Variants in CR1 observed in about 807,000 individuals in gnomAD.
CR1 encodes the protein complement C3b/C4b receptor 1 (Knops blood group).
In CR1, 116 loss-of-function variants were observed where a neutral mutation model predicts 187.3. The observed-to-expected ratio is 0.62, with a 90% CI of 0.53 to 0.72. The LOEUF (loss-of-function observed/expected upper bound fraction) is 0.72, where lower values mean the gene tolerates loss of function less well. Among genes scored for constraint, CR1 ranks in the 30% least tolerant of loss-of-function variants. The pLI is 0.00. For synonymous variants in CR1, 576 were observed against 747.1 expected (o/e 0.77, Z 3.73); for missense variants, 1,731 against 2,110.7 (o/e 0.82, Z 3.52).
rs1407211778 is a variant in CR1, at chr1:207,626,073, C to A, written c.7352+3005C>A. ...TGTTATTATCCTTGCTCCAAAGTTA[C>A]ATTATAAACTAAATTCCTTTCATGG... On this transcript the variant is annotated intron_variant, in intron 45 of 46. Coordinates refer to ENST00000367049, the MANE Select transcript of CR1 (RefSeq NM_000651.6). Among the ~76,000 whole-genome samples the A allele has an allele frequency of 4.6e-5, 7 of 152,134 alleles. 1 individual carries two copies. Among genetic ancestry groups the A allele is most frequent in the South Asian group, 4.1e-4 (2 of 4,826 alleles).
intron 3 of CR1, among the ~76,000 whole-genome samples, chr1:207,509,119 A>T (rs1347760257): frequency 6.6e-6 from 1 of 152,150 alleles, no homozygotes; most frequent in Non-Finnish European, 1.5e-5. Flanking sequence ...TTCCTAACCT[A>T]TCCACCTGGT....
chr1:207,611,036 CT>C (rs879913173), intron 37 of CR1, among the ~76,000 whole-genome samples: 116 of 146,102 alleles, frequency 7.9e-4, no homozygotes, highest in Middle Eastern at 3.6e-3. Context: ...TTCATTCTTT[CT>C]TTTTTTTTTT....
rs1375309305 is a variant in CR1, at chr1:207,590,852, A to G, written c.5810+2078A>G. Among the ~76,000 whole-genome samples the G allele has an allele frequency of 3.3e-5, 5 of 152,218 alleles. No homozygotes were observed. In the East Asian group the frequency reaches 9.6e-4, roughly 29 times the overall value. On this transcript the variant is annotated intron_variant, in intron 35 of 46. Transcript: ENST00000367049. ...ACATACTTTAAACCAACGAAGATCA[A>G]AAGAGACAAGAGCATTACATAATGG...
In CR1 at chr1:207,516,369, A is replaced by G. The variant is rs530752437; in HGVS notation, c.487+4715A>G. Among the ~76,000 whole-genome samples the G allele has an allele frequency of 6.9e-4, 105 of 152,328 alleles. 1 individual carries two copies. The highest frequency in any genetic ancestry group is 3.4e-3 in the Middle Eastern group (1 of 294). On this transcript the variant is annotated intron_variant, in intron 4 of 46. Coordinates refer to ENST00000367049, the MANE Select transcript of CR1 (RefSeq NM_000651.6). ...TTCACTGGTTTATTTGCCATACTATAAGCACTACATTAAGATTTTAATTAC... is the reference window on the plus strand; with the variant it reads ...TTCACTGGTTTATTTGCCATACTATGAGCACTACATTAAGATTTTAATTAC...
At chr1:207,503,592 T>A (rs1372565677) in intron 1 of CR1, among the ~76,000 whole-genome samples, 1 of 152,100 alleles carries the variant, frequency 6.6e-6, no homozygotes, top group Admixed American at 6.5e-5. Flanking sequence ...CCTTCTTCTG[T>A]CTCCTTTCAC....
At chr1:207,633,912 G>A (rs1662729255) in intron 46 of CR1, among the ~76,000 whole-genome samples, 1 of 152,162 alleles carries the variant, frequency 6.6e-6, no homozygotes, top group Non-Finnish European at 1.5e-5. Context: ...GAAAATTACA[G>A]TCAACGGGGC....
chr1:207,582,038 TTC>T, intron 32 of CR1, 35 bp downstream of exon 32: 1 of 1,484,898 alleles, frequency 6.7e-7, no homozygotes, highest in South Asian at 1.2e-5. Flanking sequence ...GTCTGGATCT[TTC>T]TGTTTTTTTC....
At chr1:207,575,184 T>G (rs562529378) in intron 27 of CR1, among the ~76,000 whole-genome samples, 68 of 144,384 alleles carry the variant, frequency 4.7e-4, no homozygotes, top group Non-Finnish European at 8.0e-4. Flanking sequence ...ATGTCTCAAG[T>G]AAAATGACAT....
chr1:207,573,250 C>T (rs905392774), intron 27 of CR1, among the ~76,000 whole-genome samples: 5 of 152,110 alleles, frequency 3.3e-5, no homozygotes, highest in Admixed American at 1.3e-4. Flanking sequence ...GTAGCGAATA[C>T]GGGTTATGTT....
At chr1:207,625,359 A>G (rs1202849873) in intron 45 of CR1, among the ~76,000 whole-genome samples, 3 of 152,218 alleles carry the variant, frequency 2.0e-5, no homozygotes, top group African/African-American at 7.2e-5. Context: ...CGTTAGACTT[A>G]AAGGTCAGGG....
rs182088240 is a variant in CR1, at chr1:207,576,323, A to G, written c.4537+643A>G. ...ATAAACTGGCTGGGCACTGCCCTAC[A>G]GTAGAGTAGGACACAGTATTCAGTT... is the stretch of plus-strand genomic sequence containing the variant. On this transcript the variant is annotated intron_variant, in intron 28 of 46. Transcript: ENST00000367049. Among the ~76,000 whole-genome samples, 255 of 152,348 alleles carry G rather than the reference A, an allele frequency of 1.7e-3. 1 individual carries two copies. Among genetic ancestry groups the G allele is most frequent in the Admixed American group, 2.2e-3 (33 of 15,304 alleles).
intron 4 of CR1, among the ~76,000 whole-genome samples, chr1:207,518,932 C>A (rs1355210783): frequency 1.3e-5 from 2 of 152,228 alleles, no homozygotes; most frequent in Non-Finnish European, 2.9e-5. Flanking sequence ...CAATCCCCAA[C>A]TACAACTATG....
intron 46 of CR1, among the ~76,000 whole-genome samples, chr1:207,635,437 A>G (rs1558285151): frequency 1.3e-5 from 2 of 152,212 alleles, no homozygotes; most frequent in African/African-American, 4.8e-5. Context: ...ATGTATACAC[A>G]TAAATATCTC....
intron 27 of CR1, among the ~76,000 whole-genome samples, chr1:207,575,314 G>T (rs544571354): frequency 1.3e-5 from 2 of 152,026 alleles, no homozygotes; most frequent in East Asian, 1.9e-4. Context: ...TTGTCAAACT[G>T]GTCTACAAAA....
chr1:207,626,473 C>G (rs1446985268), intron 45 of CR1, among the ~76,000 whole-genome samples: 19 of 152,076 alleles, frequency 1.2e-4, no homozygotes, highest in African/African-American at 4.3e-4. Context: ...CACAGAAAGA[C>G]AAGGGCATAA....
In CR1 at chr1:207,566,007, C is replaced by T. The variant is rs1319793496; in HGVS notation, c.3952+84C>T. On this transcript the variant is annotated intron_variant, in intron 24 of 46. Transcript: ENST00000367049. ...TCCTATGGCCTCCCTCAATGTGATT[C>T]TTCAATATTCTAGTCTTAATTATCG... 2.0e-6 allele frequency: 3 copies of T among 1,517,358 alleles called. 1 individual carries two copies. In the African/African-American group the frequency reaches 4.4e-5, roughly 22 times the overall value. 94.0% of individuals were successfully genotyped at this position (1,517,358 alleles called of 1,614,324 possible). A position where few individuals can be genotyped will look rare whatever the true frequency, so the allele number is the denominator to read the frequency against.
At chr1:207,610,421 C>T (rs548615071) in intron 37 of CR1, among the ~76,000 whole-genome samples, 1 of 152,306 alleles carries the variant, frequency 6.6e-6, no homozygotes. Context: ...AAGCCTCTAA[C>T]TCCTGGGCTC....
At chr1:207,589,593 A>C (rs1303176378) in intron 35 of CR1, among the ~76,000 whole-genome samples, 1 of 152,150 alleles carries the variant, frequency 6.6e-6, no homozygotes, top group Non-Finnish European at 1.5e-5. Flanking sequence ...AAGAGAACAA[A>C]ACTGGGTGGA....
At chr1:207,628,120 T>C (rs140688509) in intron 45 of CR1, among the ~76,000 whole-genome samples, 138 of 152,324 alleles carry the variant, frequency 9.1e-4, no homozygotes, top group African/African-American at 3.1e-3. Context: ...GCTTAAACGA[T>C]ATCACACTTG....
Sources: gnomAD v4.1 joint callset for allele counts (sites outside exome capture counted in the v4.1 genomes callset) on GRCh38, gnomAD v4.1.1 for gene constraint, MANE v1.5 for transcripts, NCBI Gene and HGNC (gene_info 2026-07-23, HGNC 2026-07-21) for gene names.